Variants in EPHB3 observed in about 807,000 individuals in gnomAD.
EPHB3 encodes EPH receptor B3, also known as ephrin type-B receptor 3.
A neutral mutation model predicts 100.2 loss-of-function variants in EPHB3; 33 were observed. The ratio of observed to expected loss-of-function variants is 0.33; its 90% confidence interval spans 0.25 to 0.44. The LOEUF is 0.44. Ranked by LOEUF, EPHB3 falls within the 20% of genes least tolerant of loss-of-function variation. The probability of loss-of-function intolerance (pLI) is 1.00; values close to 1 mark genes in which losing one functional copy is unlikely to be tolerated. For synonymous variants in EPHB3, 526 were observed against 554.7 expected (o/e 0.95, Z 0.73); for missense variants, 1,045 against 1,378.3 (o/e 0.76, Z 3.83).
rs1714794797 is a variant in EPHB3, at chr3:184,580,615, C to G, written c.2386C>G (p.Leu796Val). The G allele has an allele frequency of 6.2e-7, 1 of 1,612,876 alleles. No homozygotes were observed. Residue 796 changes from leucine to valine, a missense_variant and splice_region_variant, in exon 12 of 16, where the codon CTG (leucine) becomes GTG (valine). Around this residue, in one of 2 missense-constraint regions of EPHB3, gnomAD observed 985 missense variants for 1,331.1 expected, o/e 0.74. Coordinates refer to ENST00000330394, the MANE Select transcript of EPHB3 (RefSeq NM_004443.4). The part of the protein sequence containing the change: ...DPSDPTYTSS[L>V]GGKIPIRWTA... ...CTCCGATCCTACCTACACCAGTTCC[C>G]TGGTACAGGAAGCCGCTGGGAGGGA... is the stretch of plus-strand genomic sequence containing the variant.
rs1714562723 is a variant in EPHB3, at chr3:184,572,404, A to G, written c.184-100A>G. ...TGTATGCTCAGCCACTGCACACCAT[A>G]GAAGCATCCCTGTGAAGTAAATAGA... On this transcript the variant is annotated intron_variant, in intron 2 of 15. Coordinates refer to ENST00000330394, the MANE Select transcript of EPHB3 (RefSeq NM_004443.4). This position sits in a 1 kb window ranked among gnomAD's most constrained non-coding sequence, Gnocchi z 6.6. The G allele has an allele frequency of 5.9e-6, 8 of 1,360,228 alleles. No individual in the cohort carries two copies. Among genetic ancestry groups the G allele is most frequent in the East Asian group, 2.6e-5 (1 of 37,840 alleles). 84.3% of individuals were successfully genotyped at this position (1,360,228 alleles called of 1,614,324 possible). A position where few individuals can be genotyped will look rare whatever the true frequency, so the allele number is the denominator to read the frequency against.
chr3:184,564,295 G>C (rs972228130), intron 1 of EPHB3, among the ~76,000 whole-genome samples: 1 of 152,346 alleles, frequency 6.6e-6, no homozygotes, highest in East Asian at 1.9e-4. Flanking sequence ...TGCCTACAAG[G>C]GTGGTTTCAC....
rs190700060 is a variant in EPHB3 at position 184,565,650 on chromosome 3, T to C, written c.118+3297T>C. ...GAGTGACCCCTGAGAACACGGGAAC[T>C]GAGAGGGGACAGCGGGCCAGGATTT... On this transcript the variant is annotated intron_variant, in intron 1 of 15. Transcript: ENST00000330394. The surrounding 1 kb of genome is among the most constrained non-coding windows in gnomAD (Gnocchi z 4.8). Among the ~76,000 whole-genome samples the C allele has an allele frequency of 3.2e-4, 48 of 152,196 alleles. No individual in the cohort carries two copies. Among genetic ancestry groups the C allele is most frequent in the Non-Finnish European group, 2.6e-4 (18 of 68,000 alleles).
intron 1 of EPHB3, among the ~76,000 whole-genome samples, chr3:184,570,672 G>T (rs1426253123): frequency 6.6e-6 from 1 of 152,232 alleles, no homozygotes; most frequent in Non-Finnish European, 1.5e-5. Context: ...CCAGGGTCTG[G>T]AGCACACAGC....
At chr3:184,581,438 G>GGC (rs759780676) in intron 15 of EPHB3, 30 bp downstream of exon 15, 2 of 1,586,294 alleles carry the variant, frequency 1.3e-6, no homozygotes, top group Non-Finnish European at 1.7e-6. Flanking sequence ...GGAGGAGCAG[G>GGC]GCAGGGGGCC....
At position 184,562,313 on chromosome 3, in the gene EPHB3, G is replaced by T; in HGVS notation, c.78G>T (p.Leu26=). The T allele has an allele frequency of 8.0e-7, 1 of 1,251,196 alleles. No individual in the cohort carries two copies. The highest frequency in any genetic ancestry group is 4.0e-5 in the Admixed American group (1 of 25,180). 77.5% of individuals were successfully genotyped at this position (1,251,196 alleles called of 1,614,324 possible). ...CGCTGCTCCCTCCGCTGCTGCTGCTGCCGCTGCTGCTGCTGCCCGCCGGCT... is the reference window on the plus strand; with the variant it reads ...CGCTGCTCCCTCCGCTGCTGCTGCTTCCGCTGCTGCTGCTGCCCGCCGGCT... ...LLPLLPPLLL[L]PLLLLPAGCR... The change falls in exon 1 of 16, where the codon CTG becomes CTT. Residue 26 remains leucine (L), a synonymous_variant. Transcript: ENST00000330394. The surrounding 1 kb of genome is among the most constrained non-coding windows in gnomAD (Gnocchi z 4.8).
At chr3:184,566,326 G>C (rs1282980382) in intron 1 of EPHB3, among the ~76,000 whole-genome samples, 1 of 152,196 alleles carries the variant, frequency 6.6e-6, no homozygotes, top group South Asian at 2.1e-4. Flanking sequence ...CTCCCTCTCA[G>C]GTTTATTTAA....
chr3:184,577,421 G>C lies in EPHB3; in HGVS notation c.1433G>C (p.Arg478Pro). 2.5e-6 allele frequency: 4 copies of C among 1,614,056 alleles called. No individual in the cohort carries two copies. Among genetic ancestry groups the C allele is most frequent in the Non-Finnish European group, 3.4e-6 (4 of 1,180,016 alleles). ...SLTLSWAPPE[R>P]PNGVILDYEM... ...ACCCTATCCTGGGCACCCCCAGAGC[G>C]GCCCAACGGAGTCATCCTGGACTAC... The change falls in exon 6 of 16, where the codon CGG (arginine) becomes CCG (proline). Residue 478 changes from arginine (R) to proline (P), a missense_variant. Physicochemically the swap from Arg to Pro is moderately radical, Grantham distance 103 (BLOSUM62 -2). Coordinates refer to ENST00000330394, the MANE Select transcript of EPHB3 (RefSeq NM_004443.4). This position sits in a 1 kb window ranked among gnomAD's most constrained non-coding sequence, Gnocchi z 4.9.
chr3:184,561,808 CGCA>C lies in EPHB3; in HGVS notation c.-424_-422del. The C allele has an allele frequency of 6.6e-6, 1 of 152,480 alleles. No individual in the cohort carries two copies. Among genetic ancestry groups the C allele is most frequent in the Non-Finnish European group, 1.5e-5 (1 of 68,180 alleles). 9.4% of individuals were successfully genotyped at this position (152,480 alleles called of 1,614,324 possible). ...ACAGCAGAAGTGAGTACGTGAGCGG[CGCA>C]GCAAGATCCCAGCTCGGACCCCGGA... On this transcript the variant is annotated 5_prime_UTR_variant, in exon 1 of 16. Transcript: ENST00000330394.
chr3:184,577,345 C>T lies in EPHB3; in HGVS notation c.1357C>T (p.Pro453Ser), dbSNP rs772907622. The T allele has an allele frequency of 4.3e-6, 7 of 1,613,460 alleles. No homozygotes were observed. The South Asian group carries it at 6.6e-5, about 15-fold the overall frequency. ...GGTGAGCCCTCTGCTCTTCCCAGCC[C>T]CGTCTGAAGTGCCCACACTACGCCT... ...AVNITTNQAA[P>S]SEVPTLRLHS... Residue 453 changes from proline to serine, a missense_variant and splice_region_variant, in exon 6 of 16, where the codon CCG becomes TCG. By Grantham distance (74) the Pro-to-Ser change is moderately conservative. This residue lies in a region of EPHB3 where 985 missense variants were observed against 1,331.1 expected (regional missense o/e 0.74). Coordinates refer to ENST00000330394, the MANE Select transcript of EPHB3 (RefSeq NM_004443.4). This position sits in a 1 kb window ranked among gnomAD's most constrained non-coding sequence, Gnocchi z 4.9.
rs1247107193 is a variant in EPHB3, at chr3:184,565,222, C to A, written c.118+2869C>A. On this transcript the variant is annotated intron_variant, in intron 1 of 15. Coordinates refer to ENST00000330394, the MANE Select transcript of EPHB3 (RefSeq NM_004443.4). The surrounding 1 kb of genome is among the most constrained non-coding windows in gnomAD (Gnocchi z 4.8). Reference sequence around the variant, plus strand: ...TGATTGATTGTCCCCTTCCCCCATGCAAATTGCCCTGGGCTTTACGCACAG... The same window carrying A: ...TGATTGATTGTCCCCTTCCCCCATGAAAATTGCCCTGGGCTTTACGCACAG... Among the ~76,000 whole-genome samples, 1 of 152,132 alleles carries A rather than the reference C, an allele frequency of 6.6e-6. No homozygotes were observed. Among genetic ancestry groups the A allele is most frequent in the Non-Finnish European group, 1.5e-5 (1 of 68,030 alleles).
rs998910257 is a variant in EPHB3, at chr3:184,572,061, C to T, written c.184-443C>T. On this transcript the variant is annotated intron_variant, in intron 2 of 15. Transcript: ENST00000330394. The surrounding 1 kb of genome is among the most constrained non-coding windows in gnomAD (Gnocchi z 6.6). ...ATGTTGATAGTGACAGCCAGTAGCC[C>T]GGAAGTGCTTGCACTGCTACAAGCC... Among the ~76,000 whole-genome samples, 3 of 152,192 alleles carry T rather than the reference C, an allele frequency of 2.0e-5. No homozygotes were observed. Among genetic ancestry groups the T allele is most frequent in the African/African-American group, 4.8e-5 (2 of 41,442 alleles).
At chr3:184,568,363 C>T (rs913461628) in intron 1 of EPHB3, among the ~76,000 whole-genome samples, 3 of 152,198 alleles carry the variant, frequency 2.0e-5, no homozygotes, top group African/African-American at 7.2e-5. Context: ...CCTGCAGATA[C>T]ATGGCAGGAC....
Position 184,577,948 on chromosome 3 carries a change from G to A in EPHB3, c.1690G>A (p.Ala564Thr), listed in dbSNP as rs141148443. ...QEQLPLIVGS[A>T]TAGLVFVVAV... is the part of the protein sequence containing the mutation. Reference sequence around the variant, plus strand: ...GCAGCTTCCCCTCATCGTGGGCTCCGCTACAGCTGGGCTTGTCTTCGTGGT... The same window carrying A: ...GCAGCTTCCCCTCATCGTGGGCTCCACTACAGCTGGGCTTGTCTTCGTGGT... Residue 564 changes from alanine to threonine, a missense_variant, in exon 8 of 16, where the codon GCT (alanine) becomes ACT (threonine). Ala to Thr is a moderately conservative substitution (Grantham distance 58, BLOSUM62 0). Around this residue, in one of 2 missense-constraint regions of EPHB3, gnomAD observed 985 missense variants for 1,331.1 expected, o/e 0.74. Coordinates refer to ENST00000330394, the MANE Select transcript of EPHB3 (RefSeq NM_004443.4). This position sits in a 1 kb window ranked among gnomAD's most constrained non-coding sequence, Gnocchi z 4.9. 5.6e-6 allele frequency: 9 copies of A among 1,613,872 alleles called. No homozygotes were observed. Among genetic ancestry groups the A allele is most frequent in the South Asian group, 4.4e-5 (4 of 91,078 alleles).
In EPHB3 at chr3:184,577,476, C is replaced by G; in HGVS notation, c.1479+9C>G. The G allele has an allele frequency of 6.2e-7, 1 of 1,613,882 alleles. No individual in the cohort carries two copies. The highest frequency in any genetic ancestry group is 8.5e-7 in the Non-Finnish European group (1 of 1,179,932). On this transcript the variant is annotated intron_variant, in intron 6 of 15. Coordinates refer to ENST00000330394, the MANE Select transcript of EPHB3 (RefSeq NM_004443.4). The surrounding 1 kb of genome is among the most constrained non-coding windows in gnomAD (Gnocchi z 4.9). Reference sequence around the variant, plus strand: ...TGAAGTACTTTGAGAAGGTCAGAACCTCAAGGGGCAGGAGGAGGCCTTGGG... The same window carrying G: ...TGAAGTACTTTGAGAAGGTCAGAACGTCAAGGGGCAGGAGGAGGCCTTGGG...
At position 184,579,676 on chromosome 3, in the gene EPHB3, G is replaced by A. The variant is rs375187118; in HGVS notation, c.1925-11G>A. ...AGGAGTGAGTCATAGCTTGTGCCCT[G>A]TGCCCTGCAGGGGAATTTGGGGAAG... On this transcript the variant is annotated splice_polypyrimidine_tract_variant and intron_variant, in intron 10 of 15. Transcript: ENST00000330394. The surrounding 1 kb of genome is among the most constrained non-coding windows in gnomAD (Gnocchi z 5.2). 9.9e-6 allele frequency: 16 copies of A among 1,610,678 alleles called. No individual in the cohort carries two copies. The highest frequency in any genetic ancestry group is 2.2e-5 in the South Asian group (2 of 90,862).
rs549078813 is a variant in EPHB3, at chr3:184,575,899, G to A, written c.926G>A (p.Arg309His). Residue 309 changes from arginine (R) to histidine (H), a missense_variant, in exon 4 of 16, where the codon CGT (arginine) becomes CAT (histidine). Physicochemically the swap from Arg to His is conservative, Grantham distance 29. Around this residue, in one of 2 missense-constraint regions of EPHB3, gnomAD observed 985 missense variants for 1,331.1 expected, o/e 0.74. Transcript: ENST00000330394. Reference sequence around the variant, plus strand: ...TGCCTCCCATGTCCCCCCAACAGCCGTACCACCTCCCCAGCCGCCAGCATC... The same window carrying A: ...TGCCTCCCATGTCCCCCCAACAGCCATACCACCTCCCCAGCCGCCAGCATC... Reference protein sequence around the residue: ...GPCLPCPPNSRTTSPAASICT... With the variant: ...GPCLPCPPNSHTTSPAASICT... 2.7e-5 allele frequency: 43 copies of A among 1,613,610 alleles called. No homozygotes were observed. The highest frequency in any genetic ancestry group is 7.7e-5 in the South Asian group (7 of 91,034).
Position 184,577,240 on chromosome 3 carries a change from C to T in EPHB3, c.1354+57C>T, listed in dbSNP as rs1240453838. The stretch of plus-strand genomic sequence containing the variant: ...GGTCACTTTCTCCTGGATGAGGTGT[C>T]CCAGGACCTGCTAAGGGACCACTGG... On this transcript the variant is annotated intron_variant, in intron 5 of 15. Transcript: ENST00000330394. The surrounding 1 kb of genome is among the most constrained non-coding windows in gnomAD (Gnocchi z 4.9). 1 of 1,575,434 alleles carries T rather than the reference C, an allele frequency of 6.3e-7. No homozygotes were observed. Among genetic ancestry groups the T allele is most frequent in the East Asian group, 2.2e-5 (1 of 44,448 alleles).
rs1471031220 is a variant in EPHB3, at chr3:184,577,541, G to A, written c.1479+74G>A. 5 of 1,598,254 alleles carry A rather than the reference G, an allele frequency of 3.1e-6. No homozygotes were observed. The African/African-American group carries it at 4.0e-5, about 13-fold the overall frequency. On this transcript the variant is annotated intron_variant, in intron 6 of 15. Coordinates refer to ENST00000330394, the MANE Select transcript of EPHB3 (RefSeq NM_004443.4). The surrounding 1 kb of genome is among the most constrained non-coding windows in gnomAD (Gnocchi z 4.9). ...GAAAATTACCCCCGGATCATGATGG[G>A]GCCCTTGGGAGCAAGGCCTTGGGTA...
Sources: gnomAD v4.1 joint callset for allele counts (sites outside exome capture counted in the v4.1 genomes callset) on GRCh38, gnomAD v4.1.1 for gene constraint, gnomAD v4.1.1 regional missense constraint, Gnocchi (gnomAD v3.1) non-coding constraint, MANE v1.5 for transcripts, NCBI Gene and HGNC (gene_info 2026-07-23, HGNC 2026-07-21) for gene names.